QSOX2: variants seen among roughly 807,000 people sequenced by gnomAD.
QSOX2 encodes sulfhydryl oxidase 2.
In QSOX2, 46 loss-of-function variants were observed where a neutral mutation model predicts 61.7. The ratio of observed to expected loss-of-function variants is 0.75; its 90% confidence interval spans 0.59 to 0.95. QSOX2 has a LOEUF of 0.95. QSOX2 is among the 40% of genes least tolerant of loss of function. The pLI is 0.00. For synonymous variants in QSOX2, 383 were observed against 388.4 expected (o/e 0.99, Z 0.16); for missense variants, 879 against 918.9 (o/e 0.96, Z 0.56).
chr9:136,220,151 C>T (rs968325446), intron 6 of QSOX2, among the ~76,000 whole-genome samples: 2 of 152,216 alleles, frequency 1.3e-5, no homozygotes, highest in Non-Finnish European at 2.9e-5. Context: ...CCCACCTCAG[C>T]CCCTTGAGTA....
Position 136,207,087 on chromosome 9 carries a change from G to A in QSOX2, c.*1641C>T, listed in dbSNP as rs1213642903. The A allele has an allele frequency of 1.2e-4, 19 of 152,434 alleles. No homozygotes were observed. The highest frequency in any genetic ancestry group is 2.4e-4 in the Non-Finnish European group (16 of 68,050). 9.4% of individuals were successfully genotyped at this position (152,434 alleles called of 1,614,324 possible). A position where few individuals can be genotyped will look rare whatever the true frequency, so the allele number is the denominator to read the frequency against. ...CAGAAGCAACTCTCGAGTGAGACAC[G>A]AAGCAGCAGGCTGACGCACCAGACA... On this transcript the variant is annotated 3_prime_UTR_variant, in exon 12 of 12. Coordinates refer to ENST00000358701, the MANE Select transcript of QSOX2 (RefSeq NM_181701.4).
At chr9:136,210,989 C>A in intron 11 of QSOX2, 1 of 769,274 alleles carries the variant, frequency 1.3e-6, no homozygotes, top group Non-Finnish European at 1.6e-6. Flanking sequence ...CAGTGGGTAC[C>A]GATGGGGGAA....
rs772302726 is a variant in QSOX2 at position 136,226,802 on chromosome 9, T to C, written c.401A>G (p.Tyr134Cys). 1.2e-5 allele frequency: 19 copies of C among 1,614,128 alleles called. No homozygotes were observed. The highest frequency in any genetic ancestry group is 1.4e-5 in the Non-Finnish European group (16 of 1,179,990). ...GAAGGTGGGGTAGAAGTGGATGTCG[T>C]AGTCATGGCACACGGCCTGGTTCTT... Reference protein sequence around the residue: ...EEKNQAVCHDYDIHFYPTFRY... With the variant: ...EEKNQAVCHDCDIHFYPTFRY... Residue 134 changes from tyrosine to cysteine, a missense_variant, in exon 2 of 12, where the codon TAC (tyrosine) becomes TGC (cysteine). By Grantham distance (194) the Tyr-to-Cys change is radical. Coordinates refer to ENST00000358701, the MANE Select transcript of QSOX2 (RefSeq NM_181701.4).
Position 136,222,188 on chromosome 9 carries a change from T to G in QSOX2, c.676-247A>C, listed in dbSNP as rs759400058. On this transcript the variant is annotated intron_variant, in intron 5 of 11. Coordinates refer to ENST00000358701, the MANE Select transcript of QSOX2 (RefSeq NM_181701.4). This position sits in a 1 kb window ranked among gnomAD's most constrained non-coding sequence, Gnocchi z 6.9. ...ACAAACTCATCAAAGAAAACACTTATCCGCGAATTTGCACTTGACTTTCTA... is the reference window on the plus strand; with the variant it reads ...ACAAACTCATCAAAGAAAACACTTAGCCGCGAATTTGCACTTGACTTTCTA... Among the ~76,000 whole-genome samples the G allele has an allele frequency of 1.3e-5, 2 of 152,150 alleles. No individual in the cohort carries two copies. Among genetic ancestry groups the G allele is most frequent in the African/African-American group, 4.8e-5 (2 of 41,410 alleles).
At position 136,221,508 on chromosome 9, in the gene QSOX2, T is replaced by C. The variant is rs145787298; in HGVS notation, c.821+288A>G. 0.01 allele frequency among the ~76,000 whole-genome samples: 1,549 copies of C among 152,330 alleles called. 12 individuals are homozygous for C. Among genetic ancestry groups the C allele is most frequent in the Non-Finnish European group, 0.014 (986 of 68,024 alleles). ...CAAAGCCCCGGCCCAGCAGCCCTCA[T>C]GCATGTGCTGGTTTAGCCACGGTTT... On this transcript the variant is annotated intron_variant, in intron 6 of 11. Coordinates refer to ENST00000358701, the MANE Select transcript of QSOX2 (RefSeq NM_181701.4). This position sits in a 1 kb window ranked among gnomAD's most constrained non-coding sequence, Gnocchi z 4.5.
In QSOX2 at chr9:136,231,852, G is replaced by A. The variant is rs533787571; in HGVS notation, c.329-4978C>T. Reference sequence around the variant, plus strand: ...GTCCTCAGAGGCCGAGAGAGGGAGAGCGAGCCTCAGGGCCGGCAATCCGCC... The same window carrying A: ...GTCCTCAGAGGCCGAGAGAGGGAGAACGAGCCTCAGGGCCGGCAATCCGCC... On this transcript the variant is annotated intron_variant, in intron 1 of 11. Transcript: ENST00000358701. Among the ~76,000 whole-genome samples, 15 of 152,044 alleles carry A rather than the reference G, an allele frequency of 9.9e-5. 1 individual carries two copies. The East Asian group carries it at 2.9e-3, about 30-fold the overall frequency.
Position 136,216,663 on chromosome 9 carries a change from G to A in QSOX2, c.1146C>T (p.Ala382=). The change falls in exon 9 of 12, where the codon GCC becomes GCT. Residue 382 remains alanine, a synonymous_variant. Coordinates refer to ENST00000358701, the MANE Select transcript of QSOX2 (RefSeq NM_181701.4). ...AGGGGATCCTGTCCAGGGGAAGGCT[G>A]GCCAGCCACTCCTGCAGCATCTCCA... The part of the protein sequence containing the change: ...KLLEMLQEWL[A]SLPLDRIPYN... 6.2e-7 allele frequency: 1 copy of A among 1,613,754 alleles called. No homozygotes were observed. The highest frequency in any genetic ancestry group is 1.7e-5 in the Admixed American group (1 of 60,026).
chr9:136,212,146 C>T (rs918514718), intron 10 of QSOX2, among the ~76,000 whole-genome samples: 1 of 152,216 alleles, frequency 6.6e-6, no homozygotes, highest in Non-Finnish European at 1.5e-5. Context: ...ATGAACAACA[C>T]ACATCTCAAG....
chr9:136,211,508 C>T (rs2077412899), intron 10 of QSOX2, 56 bp from the exon 11 acceptor site: 5 of 1,571,346 alleles, frequency 3.2e-6, no homozygotes, highest in Non-Finnish European at 4.4e-6. Context: ...CACCTGACCC[C>T]ACGCTTGTCC....
chr9:136,212,789 A>T (rs1047144617), intron 10 of QSOX2, among the ~76,000 whole-genome samples: 1 of 152,274 alleles, frequency 6.6e-6, no homozygotes, highest in Non-Finnish European at 1.5e-5. Flanking sequence ...GGAGGATTAG[A>T]GGCCTTCACA....
At chr9:136,230,554 C>T (rs886407498) in intron 1 of QSOX2, among the ~76,000 whole-genome samples, 6 of 152,228 alleles carry the variant, frequency 3.9e-5, no homozygotes, top group Non-Finnish European at 7.3e-5. Flanking sequence ...CCTCAGTACT[C>T]GGCCTCCGTG....
intron 11 of QSOX2, chr9:136,210,598 G>A (rs373397757): frequency 4.1e-6 from 4 of 985,450 alleles, no homozygotes; most frequent in African/African-American, 1.7e-5. Context: ...ACATGACCCC[G>A]GCCCCGGCAG....
Position 136,209,710 on chromosome 9 carries a change from T to C in QSOX2, c.1550-435A>G, listed in dbSNP as rs529578366. On this transcript the variant is annotated intron_variant, in intron 11 of 11. Transcript: ENST00000358701. This position sits in a 1 kb window ranked among gnomAD's most constrained non-coding sequence, Gnocchi z 5.6. The stretch of plus-strand genomic sequence containing the variant: ...TCCTGAGGGTGCACCTGAGGCCCAC[T>C]ACCTACAGAGCCCCGGCCACCTGGG... 1 of 984,300 alleles carries C rather than the reference T, an allele frequency of 1.0e-6. No homozygotes were observed. The highest frequency in any genetic ancestry group is 4.7e-5 in the South Asian group (1 of 21,170). 61.0% of individuals were successfully genotyped at this position (984,300 alleles called of 1,614,324 possible). A position where few individuals can be genotyped will look rare whatever the true frequency, so the allele number is the denominator to read the frequency against.
chr9:136,234,297 G>C (rs140076193), intron 1 of QSOX2, among the ~76,000 whole-genome samples: 9 of 152,226 alleles, frequency 5.9e-5, no homozygotes, highest in African/African-American at 2.2e-4. Flanking sequence ...TCCAGTCAAC[G>C]GTGGGCTATG....
intron 1 of QSOX2, among the ~76,000 whole-genome samples, chr9:136,234,325 G>A (rs1184915709): frequency 6.6e-6 from 1 of 152,224 alleles, no homozygotes; most frequent in Non-Finnish European, 1.5e-5. Flanking sequence ...TTTTTGGGGA[G>A]TCGCAGGTTA....
chr9:136,210,141 A>C, intron 11 of QSOX2: 2 of 985,468 alleles, frequency 2.0e-6, no homozygotes, highest in Non-Finnish European at 2.4e-6. Context: ...GCCAGAGGGG[A>C]CAAGCACAGA....
At chr9:136,237,096 G>C (rs1379544735) in intron 1 of QSOX2, among the ~76,000 whole-genome samples, 1 of 135,730 alleles carries the variant, frequency 7.4e-6, no homozygotes, top group Non-Finnish European at 1.6e-5. Flanking sequence ...GCCACACCTG[G>C]AGCCTGTCTT....
At chr9:136,230,412 C>A (rs1448100323) in intron 1 of QSOX2, among the ~76,000 whole-genome samples, 3 of 152,224 alleles carry the variant, frequency 2.0e-5, no homozygotes, top group African/African-American at 7.2e-5. Context: ...AATGCAGAAT[C>A]CCAGGTGCCA....
chr9:136,225,617 G>A (rs1423558469), intron 2 of QSOX2, among the ~76,000 whole-genome samples: 3 of 152,250 alleles, frequency 2.0e-5, no homozygotes, highest in African/African-American at 4.8e-5. Context: ...CTGCAGGTCT[G>A]TTGTGCACAG....
Sources: allele counts gnomAD v4.1 joint callset (sites outside exome capture counted in the v4.1 genomes callset), GRCh38; gene constraint gnomAD v4.1.1; non-coding constraint Gnocchi (gnomAD v3.1); transcripts MANE v1.5; gene names NCBI Gene and HGNC (gene_info 2026-07-23, HGNC 2026-07-21).